The following RPS6KA3 variants were observed in gnomAD, a reference collection of about 807,000 sequenced individuals.
The protein encoded by RPS6KA3 is ribosomal protein S6 kinase alpha-3.
In RPS6KA3, 4 loss-of-function variants were observed where a neutral mutation model predicts 67.2. The ratio of observed to expected loss-of-function variants is 0.06; its 90% confidence interval spans 0.03 to 0.14. The LOEUF (loss-of-function observed/expected upper bound fraction) is 0.14. Ranked by LOEUF, RPS6KA3 falls within the 10% of genes least tolerant of loss-of-function variation. The pLI, the probability that RPS6KA3 is intolerant of heterozygous loss-of-function variation, is 1.00. For synonymous variants in RPS6KA3, 182 were observed against 183.7 expected (o/e 0.99, Z 0.07); for missense variants, 204 against 559.0 (o/e 0.36, Z 6.40).
At chrX:20,216,470 G>A (rs1186938229) in intron 2 of RPS6KA3, among the ~76,000 whole-genome samples, 1 of 110,959 alleles carries the variant, frequency 9.0e-6, no homozygotes, top group Non-Finnish European at 1.9e-5. Context: ...AAACTTTGCC[G>A]TTTTGACAAC....
chrX:20,251,751 CTG>C (rs1438698271), intron 1 of RPS6KA3, among the ~76,000 whole-genome samples: 7 of 112,807 alleles, frequency 6.2e-5, no homozygotes, highest in African/African-American at 1.9e-4. Flanking sequence ...AATTGAAACT[CTG>C]TATCTATTAG....
intron 2 of RPS6KA3, among the ~76,000 whole-genome samples, chrX:20,231,196 G>A (rs1361579859): frequency 9.0e-6 from 1 of 111,058 alleles, no homozygotes; most frequent in Non-Finnish European, 1.9e-5. Flanking sequence ...GGGTTCAAGC[G>A]AACCTCTTGC....
Position 20,176,238 on chromosome X carries a change from T to C in RPS6KA3, c.1102+12A>G. ...GTTGTCTTATATTTGGATTTTCACA[T>C]TTTCTCCTTACCTTTGGGAGTTTTT... is the stretch of plus-strand genomic sequence containing the variant. On this transcript the variant is annotated intron_variant, in intron 13 of 21. Transcript: ENST00000379565. The C allele has an allele frequency of 9.8e-7, 1 of 1,021,410 alleles. No individual in the cohort carries two copies. Among genetic ancestry groups the C allele is most frequent in the Non-Finnish European group, 1.4e-6 (1 of 722,035 alleles). 84.2% of individuals were successfully genotyped at this position (1,021,410 alleles called of 1,213,427 possible).
chrX:20,169,850 G>A (rs2067529716), intron 15 of RPS6KA3, among the ~76,000 whole-genome samples: 1 of 111,898 alleles, frequency 8.9e-6, no homozygotes, highest in South Asian at 3.7e-4. Context: ...AAACATTTGG[G>A]AACTCAGTCA....
chrX:20,165,802 T>C (rs1004412149), intron 17 of RPS6KA3, among the ~76,000 whole-genome samples: 1 of 111,861 alleles, frequency 8.9e-6, no homozygotes, highest in African/African-American at 3.2e-5. Flanking sequence ...ACCTCTTCTT[T>C]AGAGTTCTGT....
chrX:20,227,919 G>C (rs745596728), intron 2 of RPS6KA3, among the ~76,000 whole-genome samples: 25 of 110,243 alleles, frequency 2.3e-4, no homozygotes, highest in Non-Finnish European at 4.6e-4. Context: ...ATTCCTATTA[G>C]TTAGATGTTA....
In RPS6KA3 at chrX:20,230,425, T is replaced by C. The variant is rs763868528; in HGVS notation, c.126+4333A>G. On this transcript the variant is annotated intron_variant, in intron 2 of 21. Coordinates refer to ENST00000379565, the MANE Select transcript of RPS6KA3 (RefSeq NM_004586.3). ...TAAAGGGAAGACATCTCAGTTGAAA[T>C]GACATCTAAACAGATCTGAAAGATG... Among the ~76,000 whole-genome samples, 7 of 111,979 alleles carry C rather than the reference T, an allele frequency of 6.3e-5. No homozygotes were observed. The South Asian group carries it at 2.6e-3, about 42-fold the overall frequency.
chrX:20,220,902 C>T (rs1229747821), intron 2 of RPS6KA3, among the ~76,000 whole-genome samples: 2 of 111,690 alleles, frequency 1.8e-5, no homozygotes, highest in Admixed American at 9.5e-5. Flanking sequence ...TTGGAGAATG[C>T]AGACACCATA....
At chrX:20,228,671 C>T (rs1427656546) in intron 2 of RPS6KA3, among the ~76,000 whole-genome samples, 3 of 111,350 alleles carry the variant, frequency 2.7e-5, no homozygotes, top group African/African-American at 3.3e-5. Context: ...CAGTACCTGG[C>T]GACCCCATTT....
In RPS6KA3 at chrX:20,155,326, T is replaced by A; in HGVS notation, c.*72A>T. The A allele has an allele frequency of 1.7e-6, 2 of 1,146,247 alleles. No individual in the cohort carries two copies. The highest frequency in any genetic ancestry group is 2.4e-6 in the Non-Finnish European group (2 of 836,311). 94.5% of individuals were successfully genotyped at this position (1,146,247 alleles called of 1,213,427 possible). A position where few individuals can be genotyped will look rare whatever the true frequency, so the allele number is the denominator to read the frequency against. On this transcript the variant is annotated 3_prime_UTR_variant, in exon 22 of 22. Transcript: ENST00000379565. ...TGTGTGCTTGCAGGTGTCTCTCAGA[T>A]ACGTGCTACCTGTCGCCAGAACTTG...
chrX:20,244,955 G>A (rs1434984077), intron 1 of RPS6KA3, among the ~76,000 whole-genome samples: 1 of 112,176 alleles, frequency 8.9e-6, no homozygotes, highest in Admixed American at 9.4e-5. Context: ...AAAAATGAAA[G>A]AAAACATAAA....
chrX:20,155,281 A>T lies in RPS6KA3; in HGVS notation c.*117T>A. ...GAGCAGCAGCAGGAACAGCAGCATTATGGGTACCAGCTGGGACAGTGTGTG... is the reference window on the plus strand; with the variant it reads ...GAGCAGCAGCAGGAACAGCAGCATTTTGGGTACCAGCTGGGACAGTGTGTG... On this transcript the variant is annotated 3_prime_UTR_variant, in exon 22 of 22. Transcript: ENST00000379565. The T allele has an allele frequency of 1.2e-6, 1 of 817,052 alleles. No individual in the cohort carries two copies. The highest frequency in any genetic ancestry group is 1.9e-6 in the Non-Finnish European group (1 of 537,517). 67.3% of individuals were successfully genotyped at this position (817,052 alleles called of 1,213,427 possible).
intron 7 of RPS6KA3, among the ~76,000 whole-genome samples, chrX:20,193,094 A>G (rs1458833387): frequency 9.0e-6 from 1 of 111,340 alleles, no homozygotes; most frequent in Non-Finnish European, 1.9e-5. Flanking sequence ...CCTGGCCAAC[A>G]TGGTGAAACC....
At chrX:20,220,813 T>C (rs1194697911) in intron 2 of RPS6KA3, among the ~76,000 whole-genome samples, 1 of 111,835 alleles carries the variant, frequency 8.9e-6, no homozygotes, top group Non-Finnish European at 1.9e-5. Context: ...GTGGTACTGC[T>C]GTAAAACACA....
At chrX:20,263,359 A>T (rs957133239) in intron 1 of RPS6KA3, among the ~76,000 whole-genome samples, 1 of 112,268 alleles carries the variant, frequency 8.9e-6, no homozygotes, top group Non-Finnish European at 1.9e-5. Flanking sequence ...TCAAATATTC[A>T]AAAGCATATT....
intron 7 of RPS6KA3, among the ~76,000 whole-genome samples, chrX:20,192,447 C>CT (rs1020346744): frequency 4.6e-5 from 5 of 108,241 alleles, no homozygotes; most frequent in African/African-American, 1.7e-4. Context: ...AGGAAAATAT[C>CT]TGATCATAGA....
chrX:20,239,195 C>T (rs1239535079), intron 1 of RPS6KA3, among the ~76,000 whole-genome samples: 1 of 110,714 alleles, frequency 9.0e-6, no homozygotes, highest in Non-Finnish European at 1.9e-5. Flanking sequence ...TAATATCTAC[C>T]TCACAGGGAT....
At chrX:20,220,550 T>C (rs1480931450) in intron 2 of RPS6KA3, among the ~76,000 whole-genome samples, 1 of 110,379 alleles carries the variant, frequency 9.1e-6, no homozygotes, top group East Asian at 2.8e-4. Context: ...ACTCATGAAG[T>C]AGGATATCTC....
At chrX:20,220,933 T>C (rs1447809623) in intron 2 of RPS6KA3, among the ~76,000 whole-genome samples, 3 of 111,868 alleles carry the variant, frequency 2.7e-5, no homozygotes, top group African/African-American at 9.7e-5. Flanking sequence ...TTAATACAGA[T>C]TTGATTATAA....
Sources: allele counts gnomAD v4.1 joint callset (sites outside exome capture counted in the v4.1 genomes callset), GRCh38; gene constraint gnomAD v4.1.1; transcripts MANE v1.5; gene names NCBI Gene and HGNC (gene_info 2026-07-23, HGNC 2026-07-21).